Variants in FUT9 observed in about 807,000 individuals in gnomAD.
FUT9 encodes fucosyltransferase 9.
In FUT9, 15 loss-of-function variants were observed where a neutral mutation model predicts 29.7. The ratio of observed to expected loss-of-function variants is 0.51; its 90% confidence interval spans 0.34 to 0.78. The LOEUF is 0.78. FUT9 is among the 30% of genes least tolerant of loss of function. The pLI, the probability that FUT9 is intolerant of heterozygous loss-of-function variation, is 0.01. For synonymous variants in FUT9, 169 were observed against 153.7 expected (o/e 1.10, Z -0.74); for missense variants, 319 against 425.4 (o/e 0.75, Z 2.20).
intron 1 of FUT9, among the ~76,000 whole-genome samples, chr6:96,074,102 A>C (rs1374630586): frequency 1.3e-5 from 2 of 152,166 alleles, no homozygotes; most frequent in Non-Finnish European, 2.9e-5. Context: ...AAAACCTGTT[A>C]TTTTATTATC....
At chr6:96,022,440 G>A (rs568071302) in intron 1 of FUT9, among the ~76,000 whole-genome samples, 2 of 152,028 alleles carry the variant, frequency 1.3e-5, no homozygotes, top group Non-Finnish European at 2.9e-5. Flanking sequence ...ACATCTGGAG[G>A]TGTTGACAGG....
At chr6:96,039,500 C>G (rs1017748211) in intron 1 of FUT9, among the ~76,000 whole-genome samples, 5 of 152,086 alleles carry the variant, frequency 3.3e-5, no homozygotes, top group Non-Finnish European at 7.4e-5. Flanking sequence ...TTTCTTCATT[C>G]TGTCTCTTGA....
At chr6:96,177,493 C>T (rs1458930163) in intron 2 of FUT9, among the ~76,000 whole-genome samples, 3 of 152,026 alleles carry the variant, frequency 2.0e-5, no homozygotes, top group Admixed American at 6.6e-5. Flanking sequence ...GCTTGACCAC[C>T]TGCTATATAA....
intron 1 of FUT9, among the ~76,000 whole-genome samples, chr6:96,065,838 T>C (rs4317417): frequency 0.93 from 141,247 of 152,176 alleles, 66,257 homozygotes; most frequent in East Asian, 1. Flanking sequence ...AGTTATGATC[T>C]GCAAGATAAC....
At chr6:96,053,306 A>G (rs1770705512) in intron 1 of FUT9, among the ~76,000 whole-genome samples, 1 of 152,198 alleles carries the variant, frequency 6.6e-6, no homozygotes, top group Non-Finnish European at 1.5e-5. Context: ...TGTATCCAAA[A>G]TACTATTAGA....
At chr6:96,047,942 T>C (rs1193451189) in intron 1 of FUT9, among the ~76,000 whole-genome samples, 1 of 152,200 alleles carries the variant, frequency 6.6e-6, no homozygotes, top group Non-Finnish European at 1.5e-5. Flanking sequence ...AACTCAGGTC[T>C]TACTGGGATA....
intron 1 of FUT9, among the ~76,000 whole-genome samples, chr6:96,038,628 C>A (rs1405843684): frequency 2.6e-5 from 4 of 152,070 alleles, no homozygotes; most frequent in Non-Finnish European, 5.9e-5. Flanking sequence ...CCACCAGCTG[C>A]CAGAGATATA....
intron 1 of FUT9, among the ~76,000 whole-genome samples, chr6:96,043,130 C>A (rs12210451): frequency 0.11 from 17,358 of 152,182 alleles, 1,272 homozygotes; most frequent in Non-Finnish European, 0.17. Context: ...CGGCTCACTG[C>A]AAGCTCCGCC....
intron 1 of FUT9, among the ~76,000 whole-genome samples, chr6:96,051,392 T>C (rs1770666956): frequency 6.6e-6 from 1 of 152,122 alleles, no homozygotes; most frequent in South Asian, 2.1e-4. Context: ...GTGGTTTACA[T>C]CCATAATCTC....
intron 2 of FUT9, among the ~76,000 whole-genome samples, chr6:96,189,504 G>T (rs1474377639): frequency 1.3e-5 from 2 of 152,082 alleles, no homozygotes; most frequent in Non-Finnish European, 2.9e-5. Flanking sequence ...TTGACAGTGG[G>T]GTGTTAAAGT....
At chr6:96,122,203 G>C (rs986391281) in intron 2 of FUT9, among the ~76,000 whole-genome samples, 2 of 152,120 alleles carry the variant, frequency 1.3e-5, no homozygotes, top group African/African-American at 4.8e-5. Flanking sequence ...AGCAATCAGA[G>C]AAAAAGGAAC....
At chr6:96,180,658 G>C (rs1773289279) in intron 2 of FUT9, among the ~76,000 whole-genome samples, 1 of 151,916 alleles carries the variant, frequency 6.6e-6, no homozygotes, top group Admixed American at 6.6e-5. Context: ...CCACTATTCT[G>C]CTCTCTGCTT....
intron 1 of FUT9, among the ~76,000 whole-genome samples, chr6:96,067,496 A>T (rs574248647): frequency 1.3e-5 from 2 of 152,256 alleles, no homozygotes; most frequent in East Asian, 3.9e-4. Flanking sequence ...AGCATAAAAT[A>T]TTGGAAGTGG....
rs149007064 is a variant in FUT9 at position 96,210,298 on chromosome 6, C to G, written c.*6063C>G. 1 of 166,852 alleles carries G rather than the reference C, an allele frequency of 6.0e-6. No homozygotes were observed. Among genetic ancestry groups the G allele is most frequent in the Non-Finnish European group, 1.5e-5 (1 of 68,012 alleles). 10.3% of individuals were successfully genotyped at this position (166,852 alleles called of 1,614,324 possible). A position where few individuals can be genotyped will look rare whatever the true frequency, so the allele number is the denominator to read the frequency against. On this transcript the variant is annotated 3_prime_UTR_variant, in exon 3 of 3. Transcript: ENST00000302103. ...TATACCTAATTATTTCACACAAGAG[C>G]GTGGAACTCACCAGTCTTGTGACTT...
At chr6:96,188,710 G>GATAT (rs57955007) in intron 2 of FUT9, among the ~76,000 whole-genome samples, 31,822 of 146,130 alleles carry the variant, frequency 0.22, 3,777 homozygotes, top group African/African-American at 0.29. Flanking sequence ...TATATTATTT[G>GATAT]ATATATATAT....
In FUT9 at chr6:96,203,877, A is replaced by G; in HGVS notation, c.722A>G (p.Tyr241Cys). ...CCTACCATATCTACTTGTAAATTTTATCTTTCCTTTGAAAATTCAATCCAC... is the reference window on the plus strand; with the variant it reads ...CCTACCATATCTACTTGTAAATTTTGTCTTTCCTTTGAAAATTCAATCCAC... ...LIPTISTCKF[Y>C]LSFENSIHKD... Residue 241 changes from tyrosine (Y) to cysteine (C), a missense_variant, in exon 3 of 3, where the codon TAT (tyrosine) becomes TGT (cysteine). Transcript: ENST00000302103. The G allele has an allele frequency of 6.2e-7, 1 of 1,612,164 alleles. No individual in the cohort carries two copies.
At chr6:96,184,433 T>G (rs923765607) in intron 2 of FUT9, among the ~76,000 whole-genome samples, 81 of 152,164 alleles carry the variant, frequency 5.3e-4, no homozygotes, top group African/African-American at 1.8e-3. Context: ...TTTGTTTGTT[T>G]GTCTCTTTCA....
In FUT9 at chr6:96,204,092, C is replaced by T; in HGVS notation, c.937C>T (p.Leu313Phe). Residue 313 changes from leucine (L) to phenylalanine (F), a missense_variant, in exon 3 of 3, where the codon CTT becomes TTT. By Grantham distance (22) the Leu-to-Phe change is conservative. Transcript: ENST00000302103. ...AGTCGACAAAAACAATAAGTTATAC[C>T]TTAGTTACTTTAACTGGAGGAAGGA... ...KEVDKNNKLYLSYFNWRKDFT... is the reference protein window; with the variant it reads ...KEVDKNNKLYFSYFNWRKDFT... 5 of 1,516,784 alleles carry T rather than the reference C, an allele frequency of 3.3e-6. No homozygotes were observed. The highest frequency in any genetic ancestry group is 4.4e-6 in the Non-Finnish European group (5 of 1,133,762). The allele number at this position is 1,516,784 out of a possible 1,614,324, so 94.0% of individuals were successfully genotyped here.
intron 2 of FUT9, among the ~76,000 whole-genome samples, chr6:96,125,717 T>C (rs1772121553): frequency 6.6e-6 from 1 of 152,164 alleles, no homozygotes. Flanking sequence ...AATAATCAAA[T>C]GCATTCAGTT....
Sources: gnomAD v4.1 joint callset for allele counts (sites outside exome capture counted in the v4.1 genomes callset) on GRCh38, gnomAD v4.1.1 for gene constraint, MANE v1.5 for transcripts, NCBI Gene and HGNC (gene_info 2026-07-23, HGNC 2026-07-21) for gene names.